BAZ2B: variants seen among roughly 807,000 people sequenced by gnomAD.
BAZ2B encodes the protein bromodomain adjacent to zinc finger domain 2B.
Under a neutral mutation model 246.0 loss-of-function variants are expected in BAZ2B, and 91 were observed. The ratio of observed to expected loss-of-function variants is 0.37; its 90% CI spans 0.31 to 0.44. The LOEUF (loss-of-function observed/expected upper bound fraction) is 0.44, where lower values mean the gene tolerates loss of function less well. BAZ2B is among the 20% of genes least tolerant of loss of function. The pLI, the probability that BAZ2B is intolerant of heterozygous loss-of-function variation, is 1.00. For missense variants in BAZ2B, 2,332 were observed against 2,533.7 expected (o/e 0.92, Z 1.71); for synonymous variants, 855 against 860.0 (o/e 0.99, Z 0.10).
At chr2:159,332,248 G>A (rs1009253883) in intron 34 of BAZ2B, among the ~76,000 whole-genome samples, 1 of 151,656 alleles carries the variant, frequency 6.6e-6, no homozygotes, top group Non-Finnish European at 1.5e-5. Context: ...CAGTGACTTG[G>A]CAGGCTGAGG....
chr2:159,331,984 G>T (rs1223088020), intron 34 of BAZ2B, among the ~76,000 whole-genome samples: 1 of 152,168 alleles, frequency 6.6e-6, no homozygotes, highest in Non-Finnish European at 1.5e-5. Flanking sequence ...AACTGGAAGG[G>T]AAGAAAGGAG....
chr2:159,666,358 C>T, the BAZ2B span, among the ~76,000 whole-genome samples: 629 of 150,028 alleles, frequency 4.2e-3, 6 homozygotes, highest in East Asian at 0.047. Context: ...CTCACTGACT[C>T]AGGTGATCTT....
chr2:159,550,668 C>T (rs1397042071), intron 2 of BAZ2B, among the ~76,000 whole-genome samples: 2 of 151,988 alleles, frequency 1.3e-5, no homozygotes, highest in Admixed American at 6.6e-5. Flanking sequence ...TGGTAGGTAC[C>T]TGACATTTTA....
intron 8 of BAZ2B, among the ~76,000 whole-genome samples, chr2:159,436,663 A>G (rs2072383852): frequency 2.6e-5 from 4 of 152,178 alleles, no homozygotes; most frequent in Admixed American, 2.6e-4. Flanking sequence ...AGGCGGGAGA[A>G]TGGCGTGAAC....
intron 1 of BAZ2B, among the ~76,000 whole-genome samples, chr2:159,580,626 G>C (rs951370511): frequency 1.3e-5 from 2 of 152,142 alleles, no homozygotes; most frequent in Non-Finnish European, 2.9e-5. Flanking sequence ...TAAGCCAAAA[G>C]AACAAAGCTG....
At chr2:159,664,756 C>CTAGGAATCCA in the BAZ2B span, among the ~76,000 whole-genome samples, 1 of 114,014 alleles carries the variant, frequency 8.8e-6, no homozygotes, top group Non-Finnish European at 1.8e-5. Context: ...TGTTTGAGTT[C>CTAGGAATCCA]ATTGTAGATT....
the BAZ2B span, among the ~76,000 whole-genome samples, chr2:159,692,323 A>AT: frequency 2.6e-5 from 4 of 151,756 alleles, no homozygotes; most frequent in African/African-American, 7.2e-5. Flanking sequence ...TGGCCAGCTA[A>AT]TTTTTTGTAT....
chr2:159,690,568 C>A, the BAZ2B span, among the ~76,000 whole-genome samples: 3 of 152,016 alleles, frequency 2.0e-5, no homozygotes, highest in Non-Finnish European at 4.4e-5. Flanking sequence ...CTACTAGTTA[C>A]TGATTTATTA....
At chr2:159,419,167 C>T (rs1398670144) in intron 13 of BAZ2B, among the ~76,000 whole-genome samples, 11 of 152,052 alleles carry the variant, frequency 7.2e-5, no homozygotes, top group Admixed American at 6.6e-4. Context: ...GAATGTCACA[C>T]CTAAAAGCAA....
In BAZ2B at chr2:159,347,480, T is replaced by A; in HGVS notation, c.5454+6A>T. The A allele has an allele frequency of 6.2e-7, 1 of 1,612,728 alleles. No individual in the cohort carries two copies. The highest frequency in any genetic ancestry group is 8.5e-7 in the Non-Finnish European group (1 of 1,178,956). ...AAAAACATATTTTATTCCAAGTCGA[T>A]TTTACCTTCACTTGCAAACTTGCTG... On this transcript the variant is annotated splice_donor_region_variant and intron_variant, in intron 31 of 36. Coordinates refer to ENST00000392783, the MANE Select transcript of BAZ2B (RefSeq NM_013450.4).
the BAZ2B span, among the ~76,000 whole-genome samples, chr2:159,704,252 G>C: frequency 6.6e-6 from 1 of 152,082 alleles, no homozygotes; most frequent in Non-Finnish European, 1.5e-5. Context: ...GTACAGATGA[G>C]GTGTTTTTAA....
At chr2:159,614,838 A>C (rs1695532150) in intron 1 of BAZ2B, among the ~76,000 whole-genome samples, 1 of 152,172 alleles carries the variant, frequency 6.6e-6, no homozygotes, top group Non-Finnish European at 1.5e-5. Context: ...TTAAGCAAAA[A>C]ATTTACTCTT....
the BAZ2B span, among the ~76,000 whole-genome samples, chr2:159,657,102 G>A: frequency 6.6e-6 from 1 of 152,196 alleles, no homozygotes; most frequent in Admixed American, 6.5e-5. Context: ...TTATCATCCA[G>A]GAGTTTTACA....
chr2:159,325,562 A>T, intron 35 of BAZ2B, 91 bp downstream of exon 35: 1 of 1,346,720 alleles, frequency 7.4e-7, no homozygotes, highest in South Asian at 1.4e-5. Flanking sequence ...TACATAAATT[A>T]TCAGAAAGAA....
intron 16 of BAZ2B, among the ~76,000 whole-genome samples, chr2:159,403,188 A>G (rs1043916762): frequency 1.3e-4 from 19 of 142,566 alleles, no homozygotes; most frequent in African/African-American, 5.0e-4. Context: ...TGACTTTAAA[A>G]TAGACCCTAT....
chr2:159,386,783 T>G (rs892569168), intron 21 of BAZ2B, among the ~76,000 whole-genome samples, 176 bp from the exon 22 acceptor site: 3 of 152,148 alleles, frequency 2.0e-5, no homozygotes, highest in African/African-American at 7.2e-5. Context: ...CCCATGGAAC[T>G]AAGCATAGTG....
intron 20 of BAZ2B, among the ~76,000 whole-genome samples, chr2:159,394,494 A>G (rs1211686298): frequency 6.6e-6 from 1 of 152,220 alleles, no homozygotes; most frequent in African/African-American, 2.4e-5. Flanking sequence ...AGGTTAGGGA[A>G]AAAAAGACAG....
At chr2:159,487,666 T>C (rs2079986089) in intron 2 of BAZ2B, among the ~76,000 whole-genome samples, 1 of 152,128 alleles carries the variant, frequency 6.6e-6, no homozygotes. Context: ...TTTTAAGTGA[T>C]TTATTTTGTT....
intron 2 of BAZ2B, among the ~76,000 whole-genome samples, chr2:159,551,900 G>T (rs1351608916): frequency 6.6e-6 from 1 of 152,152 alleles, no homozygotes; most frequent in Non-Finnish European, 1.5e-5. Context: ...TATGAGCAAT[G>T]TTTATTTAAT....
Sources: gnomAD v4.1 joint callset for allele counts (sites outside exome capture counted in the v4.1 genomes callset) on GRCh38, gnomAD v4.1.1 for gene constraint, MANE v1.5 for transcripts, NCBI Gene and HGNC (gene_info 2026-07-23, HGNC 2026-07-21) for gene names.